The following STAG1 variants were observed in gnomAD, a reference collection of about 807,000 sequenced individuals.
STAG1 encodes the protein cohesin subunit SA-1.
STAG1 carries 26 observed loss-of-function variants against 170.9 expected under a neutral mutation model. That is an observed-to-expected ratio of 0.15 (90% CI 0.11 to 0.21). The LOEUF is 0.21. Among genes scored for constraint, STAG1 ranks in the 10% least tolerant of loss-of-function variants. STAG1 has a pLI of 1.00. For synonymous variants in STAG1, 514 were observed against 497.7 expected (o/e 1.03, Z -0.44); for missense variants, 964 against 1,509.5 (o/e 0.64, Z 5.99).
Position 136,392,492 on chromosome 3 carries a change from C to T in STAG1, c.2277+6257G>A, listed in dbSNP as rs567418510. ...ACTAAAGAAAATAAACCAGGCTGGG[C>T]GCAGTGGCTCATGGCTGTAATCCCA... On this transcript the variant is annotated intron_variant, in intron 22 of 33. Transcript: ENST00000383202. Among the ~76,000 whole-genome samples the T allele has an allele frequency of 2.2e-3, 330 of 152,074 alleles. 2 individuals are homozygous for T. Among genetic ancestry groups the T allele is most frequent in the African/African-American group, 7.6e-3 (316 of 41,504 alleles).
chr3:136,564,279 A>G (rs1936969577), intron 5 of STAG1, among the ~76,000 whole-genome samples: 1 of 152,226 alleles, frequency 6.6e-6, no homozygotes, highest in Non-Finnish European at 1.5e-5. Flanking sequence ...TCAACAGATA[A>G]GACATAAATA....
At chr3:136,356,056 T>A (rs1041648254) in intron 28 of STAG1, among the ~76,000 whole-genome samples, 6 of 151,100 alleles carry the variant, frequency 4.0e-5, no homozygotes, top group African/African-American at 1.5e-4. Context: ...TTTGTCTGCC[T>A]GTTTTTTTTT....
intron 1 of STAG1, among the ~76,000 whole-genome samples, chr3:136,717,048 G>A (rs1943559473): frequency 6.6e-6 from 1 of 152,174 alleles, no homozygotes; most frequent in Non-Finnish European, 1.5e-5. Flanking sequence ...TAACAGCAAC[G>A]TGTACACAGC....
intron 1 of STAG1, among the ~76,000 whole-genome samples, chr3:136,643,418 G>T (rs1204208919): frequency 6.6e-6 from 1 of 152,178 alleles, no homozygotes; most frequent in Non-Finnish European, 1.5e-5. Context: ...CAAAAGGATG[G>T]TCTTATATTT....
chr3:136,660,294 T>C (rs1157580484), intron 1 of STAG1, among the ~76,000 whole-genome samples: 3 of 152,140 alleles, frequency 2.0e-5, no homozygotes, highest in East Asian at 3.8e-4. Flanking sequence ...CTAAGAAAAT[T>C]CAAAAACTTG....
At chr3:136,423,933 G>C (rs534502254) in intron 16 of STAG1, among the ~76,000 whole-genome samples, 1 of 151,324 alleles carries the variant, frequency 6.6e-6, no homozygotes, top group Non-Finnish European at 1.5e-5. Context: ...GCACGATCTC[G>C]GCTCCCTGCA....
intron 21 of STAG1, among the ~76,000 whole-genome samples, chr3:136,410,535 A>G (rs2087597270): frequency 6.6e-6 from 1 of 152,204 alleles, no homozygotes; most frequent in African/African-American, 2.4e-5. Context: ...AAAAACTTGG[A>G]TTTGAGTGGG....
chr3:136,462,402 T>C (rs1225588989), intron 13 of STAG1, among the ~76,000 whole-genome samples: 1 of 152,126 alleles, frequency 6.6e-6, no homozygotes, highest in Non-Finnish European at 1.5e-5. Flanking sequence ...CAGATGGAAC[T>C]AGATGACATT....
intron 9 of STAG1, among the ~76,000 whole-genome samples, chr3:136,495,356 T>C (rs1016455804): frequency 2.0e-5 from 3 of 151,750 alleles, no homozygotes; most frequent in Non-Finnish European, 4.4e-5. Flanking sequence ...ACTTCGAAAA[T>C]AAAACACAGA....
At chr3:136,529,497 A>AAAC (rs869069141) in intron 6 of STAG1, among the ~76,000 whole-genome samples, 9 of 152,180 alleles carry the variant, frequency 5.9e-5, no homozygotes, top group South Asian at 2.1e-4. Context: ...TGCTAAAAGA[A>AAAC]AACAACAACA....
In STAG1 at chr3:136,485,326, GGGC is replaced by G. The variant is rs2089985264; in HGVS notation, c.903-7917_903-7915del. Among the ~76,000 whole-genome samples, 7 of 152,054 alleles carry G rather than the reference GGGC, an allele frequency of 4.6e-5. 1 individual carries two copies. The South Asian group carries it at 8.3e-4, about 18-fold the overall frequency. ...CAAAAAATTAGCTGGGCGTGGTGGT[GGGC>G]ACCTGTAGTCCCAGCTACTCGAGAG... is the stretch of plus-strand genomic sequence containing the variant. On this transcript the variant is annotated intron_variant, in intron 9 of 33. Transcript: ENST00000383202.
chr3:136,718,172 G>T (rs1179832768), intron 1 of STAG1, among the ~76,000 whole-genome samples: 2 of 151,994 alleles, frequency 1.3e-5, no homozygotes, highest in Non-Finnish European at 2.9e-5. Context: ...TCTTAGTAAA[G>T]AATTATTATG....
intron 16 of STAG1, among the ~76,000 whole-genome samples, chr3:136,432,033 C>T (rs1479009990): frequency 6.6e-6 from 1 of 152,022 alleles, no homozygotes; most frequent in African/African-American, 2.4e-5. Context: ...TCTGGGATTC[C>T]CATTATACAT....
chr3:136,628,684 A>G (rs1256956421), intron 2 of STAG1, among the ~76,000 whole-genome samples: 1 of 152,218 alleles, frequency 6.6e-6, no homozygotes, highest in Non-Finnish European at 1.5e-5. Context: ...CACAGCACCA[A>G]TGATAGTTTA....
At chr3:136,446,481 G>T (rs145050525) in intron 14 of STAG1, among the ~76,000 whole-genome samples, 1 of 151,448 alleles carries the variant, frequency 6.6e-6, no homozygotes, top group African/African-American at 2.4e-5. Context: ...GGAATGCTAC[G>T]GCATGATCTC....
intron 4 of STAG1, among the ~76,000 whole-genome samples, chr3:136,591,044 T>C (rs1938139796): frequency 6.6e-6 from 1 of 151,532 alleles, no homozygotes; most frequent in Admixed American, 6.6e-5. Context: ...TTTCACTTTA[T>C]GCTTTCCCCA....
chr3:136,590,713 A>G (rs1172169723), intron 4 of STAG1, among the ~76,000 whole-genome samples: 1 of 152,192 alleles, frequency 6.6e-6, no homozygotes, highest in Admixed American at 6.5e-5. Flanking sequence ...AGGAGTATAA[A>G]GGTAATTCAG....
At chr3:136,455,879 G>A (rs1346994514) in intron 13 of STAG1, among the ~76,000 whole-genome samples, 5 of 152,184 alleles carry the variant, frequency 3.3e-5, no homozygotes, top group Non-Finnish European at 7.3e-5. Context: ...CCAGGGAAGT[G>A]TTTAAGCTCC....
chr3:136,687,224 G>A (rs886204626), intron 1 of STAG1, among the ~76,000 whole-genome samples: 1 of 152,168 alleles, frequency 6.6e-6, no homozygotes, highest in African/African-American at 2.4e-5. Context: ...TATCTTGATA[G>A]AGCACAACAG....
Sources: gnomAD v4.1 joint callset for allele counts (sites outside exome capture counted in the v4.1 genomes callset) on GRCh38, gnomAD v4.1.1 for gene constraint, MANE v1.5 for transcripts, NCBI Gene and HGNC (gene_info 2026-07-23, HGNC 2026-07-21) for gene names.